KLC4: variants seen among roughly 807,000 people sequenced by gnomAD.
KLC4 encodes the protein kinesin light chain 4.
Under a neutral mutation model 77.2 loss-of-function variants are expected in KLC4, and 49 were observed. The observed-to-expected ratio is 0.63, with a 90% CI of 0.50 to 0.80. KLC4 has a LOEUF of 0.80. Ranked by LOEUF, KLC4 falls within the 30% of genes least tolerant of loss-of-function variation. KLC4 has a pLI of 0.00. For missense variants in KLC4, 669 were observed against 793.5 expected (o/e 0.84, Z 1.89); for synonymous variants, 274 against 314.5 (o/e 0.87, Z 1.36).
At chr6:43,060,743 T>C in intron 1 of KLC4, 1 of 513,170 alleles carries the variant, frequency 1.9e-6, no homozygotes, top group Non-Finnish European at 2.6e-6. Context: ...GATGCTGGGC[T>C]TAGTTCTGCA....
chr6:43,060,569 C>T, intron 1 of KLC4: 1 of 1,229,186 alleles, frequency 8.1e-7, no homozygotes. Context: ...GTGCTCTGGC[C>T]TGAGTGCCAC....
In KLC4 at chr6:43,065,704, G is replaced by A. The variant is rs1765388687; in HGVS notation, c.571+3G>A. The A allele has an allele frequency of 2.5e-6, 4 of 1,609,318 alleles. No individual in the cohort carries two copies. Among genetic ancestry groups the A allele is most frequent in the Non-Finnish European group, 3.4e-6 (4 of 1,176,028 alleles). On this transcript the variant is annotated splice_donor_region_variant and intron_variant, in intron 4 of 15. Transcript: ENST00000347162. ...GGAAGAGGACCCCAGCAATGGCTGT[G>A]AGTCTGCCTCTGGAATGGGAGGGTG...
chr6:43,069,232 G>GT (rs764223326), intron 6 of KLC4, among the ~76,000 whole-genome samples: 2 of 151,938 alleles, frequency 1.3e-5, no homozygotes, highest in African/African-American at 4.8e-5. Context: ...TGAAAAGTTT[G>GT]TTTGTTTTGT....
Position 43,073,246 on chromosome 6 carries a change from G to A in KLC4, c.1653G>A (p.Arg551=). The change falls in exon 14 of 16, where the codon AGG becomes AGA. Residue 551 remains arginine (R), a synonymous_variant. Transcript: ENST00000347162. ...WSGDGSGTLQ[R]SGSLGKIRDV... ...AGGATGGCAGTGGGACCCTGCAGAG[G>A]AGTGGCTCTCTTGGCAAGATCCGGG... 1 of 1,614,128 alleles carries A rather than the reference G, an allele frequency of 6.2e-7. No homozygotes were observed. Among genetic ancestry groups the A allele is most frequent in the Non-Finnish European group, 8.5e-7 (1 of 1,179,978 alleles).
intron 1 of KLC4, chr6:43,059,981 G>C (rs2150348583): frequency 1.9e-5 from 24 of 1,239,094 alleles, no homozygotes; most frequent in East Asian, 4.5e-5. Flanking sequence ...TGCCGCCCCC[G>C]CCCATCTCAC....
chr6:43,060,339 C>T (rs544754321), intron 1 of KLC4: 25 of 1,601,070 alleles, frequency 1.6e-5, no homozygotes, highest in South Asian at 6.6e-5. Flanking sequence ...CTCCCTAGGC[C>T]TGCAATGAGG....
At position 43,065,662 on chromosome 6, in the gene KLC4, C is replaced by T; in HGVS notation, c.532C>T (p.Leu178Phe). 2 of 1,613,966 alleles carry T rather than the reference C, an allele frequency of 1.2e-6. No individual in the cohort carries two copies. Among genetic ancestry groups the T allele is most frequent in the Non-Finnish European group, 1.7e-6 (2 of 1,179,874 alleles). Residue 178 changes from leucine to phenylalanine, a missense_variant, in exon 4 of 16, where the codon CTC becomes TTC. Leu to Phe is a conservative substitution (Grantham distance 22). Coordinates refer to ENST00000347162, the MANE Select transcript of KLC4 (RefSeq NM_201521.3). ...GDATKDSLDD[L>F]FPNEEEEDPS... is the part of the protein sequence containing the mutation. ...TGCCACCAAGGATTCCCTGGATGAC[C>T]TCTTTCCTAATGAGGAGGAAGAGGA...
At position 43,070,927 on chromosome 6, in the gene KLC4, G is replaced by C. The variant is rs1369916662; in HGVS notation, c.1155+62G>C. The C allele has an allele frequency of 4.2e-4, 172 of 413,656 alleles. No individual in the cohort carries two copies. The African/African-American group carries it at 4.8e-3, about 12-fold the overall frequency. The allele number at this position is 413,656 out of a possible 1,614,324, so 25.6% of individuals were successfully genotyped here. A position where few individuals can be genotyped will look rare whatever the true frequency, so the allele number is the denominator to read the frequency against. ...AGAGGGGGGCACAGAGGTGGGGGGAGGGGGGGCAGGCGGAGAGGCCACTTG... is the reference window on the plus strand; with the variant it reads ...AGAGGGGGGCACAGAGGTGGGGGGACGGGGGGCAGGCGGAGAGGCCACTTG... On this transcript the variant is annotated intron_variant, in intron 8 of 15. Transcript: ENST00000347162.
At chr6:43,061,031 T>G in intron 1 of KLC4, 1 of 403,656 alleles carries the variant, frequency 2.5e-6, no homozygotes, top group Non-Finnish European at 4.5e-6. Flanking sequence ...TTTGTTCTTT[T>G]CCTAAGTCCT....
At chr6:43,070,636 G>A in intron 7 of KLC4, 56 bp from the exon 8 acceptor site, 1 of 1,563,404 alleles carries the variant, frequency 6.4e-7, no homozygotes, top group Middle Eastern at 1.7e-4. Context: ...ACACACGTGT[G>A]CTTGTGCACA....
chr6:43,072,468 C>T (rs1159026469), intron 12 of KLC4, among the ~76,000 whole-genome samples: 1 of 152,124 alleles, frequency 6.6e-6, no homozygotes. Context: ...TTTCAAGATT[C>T]ACTAAATGGG....
rs1765678071 is a variant in KLC4, at chr6:43,070,792, AGCGAGCACTGGCCATCTACGAGGG to A, written c.1085_1108del (p.Arg362_Gly369del). 1 of 1,613,898 alleles carries A rather than the reference AGCGAGCACTGGCCATCTACGAGGG, an allele frequency of 6.2e-7. No individual in the cohort carries two copies. The highest frequency in any genetic ancestry group is 1.1e-5 in the South Asian group (1 of 91,084). On this transcript the variant is annotated inframe_deletion, in exon 8 of 16. Transcript: ENST00000347162. ...TATGAGGCCGTGGAACGCTACTACC[AGCGAGCACTGGCCATCTACGAGGG>A]GCAGCTGGGGCCGGACAACCCTAAT...
chr6:43,071,568 T>C lies in KLC4; in HGVS notation c.1257T>C (p.Asp419=). The C allele has an allele frequency of 1.2e-6, 2 of 1,613,328 alleles. No individual in the cohort carries two copies. The highest frequency in any genetic ancestry group is 1.7e-6 in the Non-Finnish European group (2 of 1,179,764). Reference sequence around the variant, plus strand: ...CCCCACCCCATGTATCACCCCTAGATGACCACAAGCCCATCTGGATGCATG... The same window carrying C: ...CCCCACCCCATGTATCACCCCTAGACGACCACAAGCCCATCTGGATGCATG... ...AHVQEFGSVD[D]DHKPIWMHAE... Residue 419 remains aspartate (D), a splice_region_variant and synonymous_variant, in exon 10 of 16, where the codon GAT becomes GAC. Coordinates refer to ENST00000347162, the MANE Select transcript of KLC4 (RefSeq NM_201521.3).
chr6:43,072,073 T>C, intron 11 of KLC4, 74 bp from the exon 12 acceptor site: 4 of 1,452,568 alleles, frequency 2.8e-6, no homozygotes, highest in East Asian at 2.3e-5. Flanking sequence ...TTTCCTCTTG[T>C]CTTGCTTGGA....
In KLC4 at chr6:43,073,158, A is replaced by G; in HGVS notation, c.1630-65A>G. On this transcript the variant is annotated intron_variant, in intron 13 of 15. Transcript: ENST00000347162. ...GGATGTGTGCAGAATAAATGCTAGG[A>G]GTAGACTCAGAAACCCATCTGTGTG... 5 of 1,417,112 alleles carry G rather than the reference A, an allele frequency of 3.5e-6. No homozygotes were observed. The South Asian group carries it at 5.9e-5, about 17-fold the overall frequency. The allele number at this position is 1,417,112 out of a possible 1,614,324, so 87.8% of individuals were successfully genotyped here. A position where few individuals can be genotyped will look rare whatever the true frequency, so the allele number is the denominator to read the frequency against.
At chr6:43,071,521 G>A (rs1765722966) in intron 9 of KLC4, 46 bp from the exon 10 acceptor site, 2 of 1,601,106 alleles carry the variant, frequency 1.2e-6, no homozygotes, top group South Asian at 2.2e-5. Flanking sequence ...CTCCGACACT[G>A]TCTAGCTCCC....
At chr6:43,060,688 G>A in intron 1 of KLC4, 1 of 986,504 alleles carries the variant, frequency 1.0e-6, no homozygotes, top group Non-Finnish European at 1.2e-6. Context: ...GGGAAGTATG[G>A]GTTGAAGGTT....
chr6:43,059,971 T>A, intron 1 of KLC4: 11 of 1,291,584 alleles, frequency 8.5e-6, no homozygotes, highest in Admixed American at 3.5e-5. Context: ...ACCTCCCCCC[T>A]GCCGCCCCCG....
Position 43,061,466 on chromosome 6 carries a change from T to C in KLC4, c.131T>C (p.Leu44Pro). The C allele has an allele frequency of 1.2e-6, 2 of 1,614,192 alleles. No individual in the cohort carries two copies. The highest frequency in any genetic ancestry group is 1.7e-6 in the Non-Finnish European group (2 of 1,180,014). The change falls in exon 2 of 16, where the codon CTG becomes CCG. Residue 44 changes from leucine (L) to proline (P), a missense_variant. Coordinates refer to ENST00000347162, the MANE Select transcript of KLC4 (RefSeq NM_201521.3). ...EALRSEHQAV[L>P]QSLSQTIECL... ...CTACGCAGTGAACACCAGGCCGTGCTGCAAAGCCTGTCCCAGACCATTGAG... is the reference window on the plus strand; with the variant it reads ...CTACGCAGTGAACACCAGGCCGTGCCGCAAAGCCTGTCCCAGACCATTGAG...
Sources: gnomAD v4.1 joint callset for allele counts (sites outside exome capture counted in the v4.1 genomes callset) on GRCh38, gnomAD v4.1.1 for gene constraint, MANE v1.5 for transcripts, NCBI Gene and HGNC (gene_info 2026-07-23, HGNC 2026-07-21) for gene names.